BRIP1: variants seen among roughly 807,000 people sequenced by gnomAD.
BRIP1 encodes Fanconi anemia group J protein.
In BRIP1, 88 loss-of-function variants were observed where a neutral mutation model predicts 119.7. The observed-to-expected ratio is 0.74, with a 90% CI of 0.62 to 0.88. The LOEUF (loss-of-function observed/expected upper bound fraction) is 0.88, where lower values mean the gene tolerates loss of function less well. BRIP1 is among the 40% of genes least tolerant of loss of function. The pLI is 0.00. For synonymous variants in BRIP1, 443 were observed against 496.5 expected, an observed-to-expected ratio of 0.89 and a Z score of 1.43; for missense variants, 1,259 against 1,455.4, an observed-to-expected ratio of 0.87 and a Z score of 2.20.
intron 6 of BRIP1, among the ~76,000 whole-genome samples, chr17:61,821,191 G>C (rs2078318456): frequency 6.6e-6 from 1 of 152,174 alleles, no homozygotes; most frequent in African/African-American, 2.4e-5. Flanking sequence ...CTATGCAAAG[G>C]AAGACATGGC....
chr17:61,741,857 C>T (rs1184118223), intron 16 of BRIP1, among the ~76,000 whole-genome samples: 1 of 152,202 alleles, frequency 6.6e-6, no homozygotes, highest in African/African-American at 2.4e-5. Context: ...GCATTGGCTT[C>T]AACTTAAAGT....
rs1388941252 is a variant in BRIP1 at position 61,824,475 on chromosome 17, T to C, written c.628-15718A>G. ...GCATAAAAACAGAAATATAGACCAA[T>C]GGAACAGAATAGAAATTCCAAAAGC... On this transcript the variant is annotated intron_variant, in intron 6 of 19. Coordinates refer to ENST00000259008, the MANE Select transcript of BRIP1 (RefSeq NM_032043.3). This position sits in a 1 kb window ranked among gnomAD's most constrained non-coding sequence, Gnocchi z 4.3. 6.6e-6 allele frequency among the ~76,000 whole-genome samples: 1 copy of C among 152,140 alleles called. No homozygotes were observed. Among genetic ancestry groups the C allele is most frequent in the Non-Finnish European group, 1.5e-5 (1 of 68,024 alleles).
rs773479648 is a variant in BRIP1, at chr17:61,748,631, T to C, written c.2098-4040A>G. ...GCCATAAAGACAGACATATAGACCATTGGAAGAGAATAGAGAGCCTGGAAA... is the reference window on the plus strand; with the variant it reads ...GCCATAAAGACAGACATATAGACCACTGGAAGAGAATAGAGAGCCTGGAAA... On this transcript the variant is annotated intron_variant, in intron 14 of 19. Coordinates refer to ENST00000259008, the MANE Select transcript of BRIP1 (RefSeq NM_032043.3). The surrounding 1 kb of genome is among the most constrained non-coding windows in gnomAD (Gnocchi z 4.7). Among the ~76,000 whole-genome samples the C allele has an allele frequency of 2.6e-5, 4 of 151,972 alleles. No individual in the cohort carries two copies. Among genetic ancestry groups the C allele is most frequent in the Admixed American group, 6.6e-5 (1 of 15,264 alleles).
In BRIP1 at chr17:61,825,333, TCA is replaced by T. The variant is rs945921249; in HGVS notation, c.628-16578_628-16577del. 9.2e-5 allele frequency among the ~76,000 whole-genome samples: 14 copies of T among 151,370 alleles called. No homozygotes were observed. The highest frequency in any genetic ancestry group is 3.2e-4 in the African/African-American group (13 of 41,224). Reference sequence around the variant, plus strand: ...AAAGAAAAGAAAAGGAAGCCCTCTCTCACCACTCTTATTAAACATATTATTGG... The same window carrying T: ...AAAGAAAAGAAAAGGAAGCCCTCTCTCCACTCTTATTAAACATATTATTGG... On this transcript the variant is annotated intron_variant, in intron 6 of 19. Transcript: ENST00000259008. The surrounding 1 kb of genome is among the most constrained non-coding windows in gnomAD (Gnocchi z 4.1).
Position 61,734,118 on chromosome 17 carries a change from A to G in BRIP1, c.2379+8895T>C, listed in dbSNP as rs2076886849. On this transcript the variant is annotated intron_variant, in intron 16 of 19. Coordinates refer to ENST00000259008, the MANE Select transcript of BRIP1 (RefSeq NM_032043.3). This position sits in a 1 kb window ranked among gnomAD's most constrained non-coding sequence, Gnocchi z 5.2. ...AACCTAAATATATTTGTACCTTATC[A>G]TATCTCACAAACTATGTCCATGTCA... 6.6e-6 allele frequency among the ~76,000 whole-genome samples: 1 copy of G among 152,180 alleles called. No individual in the cohort carries two copies. The highest frequency in any genetic ancestry group is 1.5e-5 in the Non-Finnish European group (1 of 68,026).
rs1332736869 is a variant in BRIP1 at position 61,842,140 on chromosome 17, C to A, written c.627+4961G>T. Among the ~76,000 whole-genome samples, 2 of 152,076 alleles carry A rather than the reference C, an allele frequency of 1.3e-5. No individual in the cohort carries two copies. Among genetic ancestry groups the A allele is most frequent in the Non-Finnish European group, 2.9e-5 (2 of 68,030 alleles). On this transcript the variant is annotated intron_variant, in intron 6 of 19. Transcript: ENST00000259008. This position sits in a 1 kb window ranked among gnomAD's most constrained non-coding sequence, Gnocchi z 5.1. ...ATTGAAACCTTGTTATTTGCAGCAA[C>A]ATGGGTAAGCCTGGAAGATATTAAG... is the stretch of plus-strand genomic sequence containing the variant.
rs1393038194 is a variant in BRIP1 at position 61,744,238 on chromosome 17, T to C, written c.2257+194A>G. ...CGTTTTTCTTAAAGTTGAATCAGCA[T>C]ACTCAAGTGAAAATATTCATAGGAG... On this transcript the variant is annotated intron_variant, in intron 15 of 19. Transcript: ENST00000259008. This position sits in a 1 kb window ranked among gnomAD's most constrained non-coding sequence, Gnocchi z 5.0. 6.6e-6 allele frequency among the ~76,000 whole-genome samples: 1 copy of C among 152,170 alleles called. No homozygotes were observed.
intron 6 of BRIP1, among the ~76,000 whole-genome samples, chr17:61,812,361 G>A (rs574015629): frequency 2.0e-5 from 3 of 151,920 alleles, no homozygotes; most frequent in African/African-American, 7.2e-5. Context: ...TTTTCTCCAG[G>A]AAACTAGAGA....
At chr17:61,819,473 C>T (rs926655101) in intron 6 of BRIP1, among the ~76,000 whole-genome samples, 1 of 152,174 alleles carries the variant, frequency 6.6e-6, no homozygotes, top group African/African-American at 2.4e-5. Context: ...GATTTGGAAG[C>T]AACCTAAGTG....
rs1214272857 is a variant in BRIP1, at chr17:61,767,734, T to C, written c.2097+8667A>G. Among the ~76,000 whole-genome samples the C allele has an allele frequency of 6.6e-6, 1 of 152,138 alleles. No homozygotes were observed. ...TGTGAGTCACCGCACCTGGCCCTTA[T>C]CCTATGTTTCTTTTATGAAACTCTG... On this transcript the variant is annotated intron_variant, in intron 14 of 19. Transcript: ENST00000259008. This position sits in a 1 kb window ranked among gnomAD's most constrained non-coding sequence, Gnocchi z 5.7.
Position 61,808,801 on chromosome 17 carries a change from T to G in BRIP1, c.628-44A>C, listed in dbSNP as rs2078119495. The G allele has an allele frequency of 1.9e-6, 3 of 1,573,216 alleles. No individual in the cohort carries two copies. The highest frequency in any genetic ancestry group is 2.6e-6 in the Non-Finnish European group (3 of 1,153,204). On this transcript the variant is annotated intron_variant, in intron 6 of 19. Coordinates refer to ENST00000259008, the MANE Select transcript of BRIP1 (RefSeq NM_032043.3). This position sits in a 1 kb window ranked among gnomAD's most constrained non-coding sequence, Gnocchi z 4.1. ...ACGATAACTAATATCTAAACTACCA[T>G]AAAAAACGTTATCAAACCTCACATG...
chr17:61,817,862 G>C (rs2078260485), intron 6 of BRIP1, among the ~76,000 whole-genome samples: 2 of 152,148 alleles, frequency 1.3e-5, no homozygotes, highest in Admixed American at 1.3e-4. Flanking sequence ...TGTGCTCATA[G>C]GTAAAAATGG....
intron 16 of BRIP1, among the ~76,000 whole-genome samples, chr17:61,732,263 G>A (rs936406935): frequency 3.3e-5 from 5 of 152,034 alleles, no homozygotes; most frequent in African/African-American, 1.2e-4. Context: ...TTACAGGTGT[G>A]AGCCACTGCA....
In BRIP1 at chr17:61,743,019, A is replaced by T. The variant is rs876659615; in HGVS notation, c.2373T>A (p.Asp791Glu). The T allele has an allele frequency of 6.2e-7, 1 of 1,614,012 alleles. No individual in the cohort carries two copies. Among genetic ancestry groups the T allele is most frequent in the East Asian group, 2.2e-5 (1 of 44,856 alleles). ...TAAGGTTTTGATGGCCTACCTGTAG[A>T]TCTTTCACATTTGGAAAAGGAATTC... ...TIGIPFPNVK[D>E]LQVELKRQYN... is the part of the protein sequence containing the mutation. Residue 791 changes from aspartate to glutamate, a missense_variant, in exon 16 of 20, where the codon GAT (aspartate) becomes GAA (glutamate). Around this residue, in one of 3 missense-constraint regions of BRIP1, gnomAD observed 753 missense variants for 891.8 expected, o/e 0.84. Transcript: ENST00000259008. This position sits in a 1 kb window ranked among gnomAD's most constrained non-coding sequence, Gnocchi z 4.3.
intron 6 of BRIP1, among the ~76,000 whole-genome samples, chr17:61,836,675 T>C (rs2078579379): frequency 6.6e-6 from 1 of 152,148 alleles, no homozygotes; most frequent in Admixed American, 6.5e-5. Context: ...GTCAGTCTGG[T>C]AATGAGACAA....
intron 17 of BRIP1, among the ~76,000 whole-genome samples, chr17:61,698,512 G>A (rs1335713597): frequency 6.6e-6 from 1 of 152,084 alleles, no homozygotes; most frequent in East Asian, 1.9e-4. Context: ...GTAGTTGTTG[G>A]TTTGTAGTTT....
intron 6 of BRIP1, among the ~76,000 whole-genome samples, chr17:61,812,931 A>G (rs907964110): frequency 1.3e-5 from 2 of 152,164 alleles, no homozygotes; most frequent in Admixed American, 6.5e-5. Context: ...CCACAATGTC[A>G]ACTTCTAAAG....
chr17:61,692,535 T>A (rs2061463080), intron 18 of BRIP1, among the ~76,000 whole-genome samples: 1 of 151,606 alleles, frequency 6.6e-6, no homozygotes, highest in Non-Finnish European at 1.5e-5. Flanking sequence ...AATAACCCAA[T>A]TAAAAAATGA....
rs1043278029 is a variant in BRIP1 at position 61,691,775 on chromosome 17, C to T, written c.2575+1655G>A. 1.3e-5 allele frequency among the ~76,000 whole-genome samples: 2 copies of T among 151,986 alleles called. No homozygotes were observed. Among genetic ancestry groups the T allele is most frequent in the African/African-American group, 4.8e-5 (2 of 41,396 alleles). On this transcript the variant is annotated intron_variant, in intron 18 of 19. Transcript: ENST00000259008. The surrounding 1 kb of genome is among the most constrained non-coding windows in gnomAD (Gnocchi z 5.0). ...GGCTGCAATCTAAATTCATATGGAACCACAAAGGACCACAAATAGGCAAAA... is the reference window on the plus strand; with the variant it reads ...GGCTGCAATCTAAATTCATATGGAATCACAAAGGACCACAAATAGGCAAAA...
Sources: allele counts gnomAD v4.1 joint callset (sites outside exome capture counted in the v4.1 genomes callset), GRCh38; gene constraint gnomAD v4.1.1; regional missense constraint gnomAD v4.1.1; non-coding constraint Gnocchi (gnomAD v3.1); transcripts MANE v1.5; gene names NCBI Gene and HGNC (gene_info 2026-07-23, HGNC 2026-07-21).